The following PTK2B variants were observed in gnomAD, a reference collection of about 807,000 sequenced individuals.
PTK2B encodes protein-tyrosine kinase 2-beta.
A neutral mutation model predicts 142.9 loss-of-function variants in PTK2B; 71 were observed. That is an observed-to-expected ratio of 0.50 (90% CI 0.41 to 0.61). The LOEUF (loss-of-function observed/expected upper bound fraction) is 0.61, where lower values mean the gene tolerates loss of function less well. Ranked by LOEUF, PTK2B falls within the 20% of genes least tolerant of loss-of-function variation. The pLI is 0.00. For synonymous variants in PTK2B, 519 were observed against 503.4 expected (o/e 1.03, Z -0.42); for missense variants, 1,105 against 1,320.4 (o/e 0.84, Z 2.53).
At chr8:27,432,396 C>T (rs781242371) in intron 10 of PTK2B, 35 bp downstream of exon 10, 1 of 1,592,494 alleles carries the variant, frequency 6.3e-7, no homozygotes, top group Non-Finnish European at 8.6e-7. Flanking sequence ...CCTGGCAGCT[C>T]TGCAGGGGGT....
At chr8:27,318,856 G>C (rs766156516) in intron 3 of PTK2B, among the ~76,000 whole-genome samples, 1 of 151,996 alleles carries the variant, frequency 6.6e-6, no homozygotes, top group African/African-American at 2.4e-5. Flanking sequence ...TCACCATGTC[G>C]GCCAGGCTGG....
At chr8:27,417,897 G>C (rs570283374) in intron 2 of PTK2B, among the ~76,000 whole-genome samples, 24 of 152,238 alleles carry the variant, frequency 1.6e-4, no homozygotes, top group African/African-American at 5.3e-4. Context: ...GTGACGTGGG[G>C]GCTCTGAGTA....
At chr8:27,390,898 G>T (rs1807676563) in intron 1 of PTK2B, among the ~76,000 whole-genome samples, 1 of 152,144 alleles carries the variant, frequency 6.6e-6, no homozygotes, top group Admixed American at 6.5e-5. Flanking sequence ...CCATGGCAGA[G>T]ACTCAAGGCT....
chr8:27,429,366 A>G (rs1810271211), intron 5 of PTK2B, among the ~76,000 whole-genome samples: 1 of 152,240 alleles, frequency 6.6e-6, no homozygotes, highest in South Asian at 2.1e-4. Context: ...CTTTAATATA[A>G]GATCAGGAGT....
chr8:27,346,428 C>T (rs1367480393), intron 1 of PTK2B, among the ~76,000 whole-genome samples: 1 of 152,188 alleles, frequency 6.6e-6, no homozygotes, highest in Non-Finnish European at 1.5e-5. Context: ...CGCCTGTAGT[C>T]CCAGCTACTC....
At chr8:27,409,589 C>T (rs1808932996) in intron 2 of PTK2B, among the ~76,000 whole-genome samples, 1 of 152,112 alleles carries the variant, frequency 6.6e-6, no homozygotes, top group African/African-American at 2.4e-5. Flanking sequence ...AGATTTACGC[C>T]TTGTGTTCAT....
At chr8:27,385,541 G>C (rs145084374) in intron 1 of PTK2B, among the ~76,000 whole-genome samples, 108 of 152,280 alleles carry the variant, frequency 7.1e-4, no homozygotes, top group African/African-American at 2.0e-3. Flanking sequence ...TCCTCATCTA[G>C]CTTGGTGGTA....
rs934791077 is a variant in PTK2B, at chr8:27,440,380, C to T, written c.1978C>T (p.Arg660Cys). 31 of 1,614,158 alleles carry T rather than the reference C, an allele frequency of 1.9e-5. No homozygotes were observed. Among genetic ancestry groups the T allele is most frequent in the Admixed American group, 5.0e-5 (3 of 60,026 alleles). The change falls in exon 21 of 31, where the codon CGC becomes TGC. Residue 660 changes from arginine (R) to cysteine (C), a missense_variant. Transcript: ENST00000346049. ...CPPVLYTLMTRCWDYDPSDRP... is the reference protein window; with the variant it reads ...CPPVLYTLMTCCWDYDPSDRP... ...ACCGGTCCTTTATACCCTCATGACCCGCTGCTGGGACTACGACCCCAGTGA... is the reference window on the plus strand; with the variant it reads ...ACCGGTCCTTTATACCCTCATGACCTGCTGCTGGGACTACGACCCCAGTGA...
At chr8:27,379,620 C>T (rs1806889357) in intron 1 of PTK2B, among the ~76,000 whole-genome samples, 1 of 152,246 alleles carries the variant, frequency 6.6e-6, no homozygotes, top group Admixed American at 6.5e-5. Flanking sequence ...TGCATATAAT[C>T]TCTGGAATCT....
chr8:27,327,971 C>T (rs955456000), intron 1 of PTK2B, among the ~76,000 whole-genome samples: 1 of 152,216 alleles, frequency 6.6e-6, no homozygotes, highest in Non-Finnish European at 1.5e-5. Flanking sequence ...TGCTTGGGTT[C>T]ATTTACTTCC....
intron 5 of PTK2B, among the ~76,000 whole-genome samples, chr8:27,429,694 GATA>G (rs1390978437): frequency 2.0e-5 from 3 of 152,190 alleles, no homozygotes; most frequent in African/African-American, 4.8e-5. Context: ...ATATCTCAGA[GATA>G]GCAAATAAGT....
intron 5 of PTK2B, among the ~76,000 whole-genome samples, chr8:27,424,957 T>C (rs919947267): frequency 6.6e-6 from 1 of 152,164 alleles, no homozygotes; most frequent in African/African-American, 2.4e-5. Context: ...GAATCCTCCA[T>C]GGAGTCATGT....
At chr8:27,400,030 C>T (rs1808278107) in intron 2 of PTK2B, among the ~76,000 whole-genome samples, 1 of 152,182 alleles carries the variant, frequency 6.6e-6, no homozygotes, top group South Asian at 2.1e-4. Flanking sequence ...TCTCCAAGGG[C>T]CTCTAATTGC....
intron 1 of PTK2B, among the ~76,000 whole-genome samples, chr8:27,352,080 CAG>C (rs139437341): frequency 0.017 from 2,526 of 152,298 alleles, 72 homozygotes; most frequent in African/African-American, 0.057. Flanking sequence ...ATGGTTGACT[CAG>C]GGGACCCACG....
chr8:27,311,262 G>A (rs770520515), upstream of PTK2B: 7 of 1,477,142 alleles, frequency 4.7e-6, no homozygotes, highest in African/African-American at 8.4e-5. Context: ...TCGGGCGCCC[G>A]GAACTTTTGC....
Position 27,445,872 on chromosome 8 carries a change from A to G in PTK2B, c.2293A>G (p.Thr765Ala). The part of the protein sequence containing the change: ...EYPSPVNSLH[T>A]PPLHRHNVFK... ...TCCATCTCCCGTTAACTCACTGCAC[A>G]CCCCACCTCTCCACCGGCACAATGT... The change falls in exon 24 of 31, where the codon ACC becomes GCC. Residue 765 changes from threonine to alanine, a missense_variant. Thr to Ala is a moderately conservative substitution (Grantham distance 58). Transcript: ENST00000346049. 6.2e-7 allele frequency: 1 copy of G among 1,613,826 alleles called. No individual in the cohort carries two copies. The highest frequency in any genetic ancestry group is 8.5e-7 in the Non-Finnish European group (1 of 1,179,980).
chr8:27,318,007 C>A (rs143694993), intron 3 of PTK2B, among the ~76,000 whole-genome samples: 27 of 152,046 alleles, frequency 1.8e-4, no homozygotes, highest in African/African-American at 5.8e-4. Flanking sequence ...GGTTTTTTTT[C>A]TCTAAAGCAT....
At chr8:27,352,385 A>G (rs931508625) in intron 1 of PTK2B, among the ~76,000 whole-genome samples, 4 of 152,208 alleles carry the variant, frequency 2.6e-5, no homozygotes, top group African/African-American at 9.7e-5. Context: ...ACAAAAGCAA[A>G]AGACAGGAAA....
At chr8:27,312,721 T>C (rs1803005649) in intron 2 of PTK2B, among the ~76,000 whole-genome samples, 7 of 152,180 alleles carry the variant, frequency 4.6e-5, no homozygotes, top group Admixed American at 3.9e-4. Flanking sequence ...AGGCAGGTCA[T>C]AGAAACCAGA....
Sources: gnomAD v4.1 joint callset for allele counts (sites outside exome capture counted in the v4.1 genomes callset) on GRCh38, gnomAD v4.1.1 for gene constraint, MANE v1.5 for transcripts, NCBI Gene and HGNC (gene_info 2026-07-23, HGNC 2026-07-21) for gene names.